Variants in MDGA2 observed in about 807,000 individuals in gnomAD.
The protein encoded by MDGA2 is MAM domain containing glycosylphosphatidylinositol anchor 2, also known as MAM domain-containing glycosylphosphatidylinositol anchor protein 2.
A neutral mutation model predicts 117.8 loss-of-function variants in MDGA2; 40 were observed. The observed-to-expected ratio is 0.34, with a 90% confidence interval of 0.26 to 0.44. The LOEUF (loss-of-function observed/expected upper bound fraction) is 0.44, where lower values mean the gene tolerates loss of function less well. MDGA2 is among the 20% of genes least tolerant of loss of function. The probability of loss-of-function intolerance (pLI) is 1.00; values close to 1 mark genes in which losing one functional copy is unlikely to be tolerated. For missense variants in MDGA2, 1,123 were observed against 1,250.6 expected (o/e 0.90, Z 1.54); for synonymous variants, 452 against 439.0 (o/e 1.03, Z -0.37).
At chr14:47,086,558 C>A (rs1890908277) in intron 6 of MDGA2, among the ~76,000 whole-genome samples, 1 of 151,532 alleles carries the variant, frequency 6.6e-6, no homozygotes, top group South Asian at 2.1e-4. Context: ...TAGAATGTAC[C>A]CATTACTTAT....
Position 47,512,248 on chromosome 14 carries a change from C to A in MDGA2, c.280+162269G>T, listed in dbSNP as rs947022466. 2.6e-5 allele frequency among the ~76,000 whole-genome samples: 4 copies of A among 152,244 alleles called. 1 individual carries two copies. Among genetic ancestry groups the A allele is most frequent in the African/African-American group, 9.6e-5 (4 of 41,564 alleles). Reference sequence around the variant, plus strand: ...GTTTATATCTGATTTTGATGTCCAACAATGAATTTAAATTAAATAAGTGTC... The same window carrying A: ...GTTTATATCTGATTTTGATGTCCAAAAATGAATTTAAATTAAATAAGTGTC... On this transcript the variant is annotated intron_variant, in intron 1 of 16. Transcript: ENST00000399232.
intron 2 of MDGA2, among the ~76,000 whole-genome samples, chr14:47,278,632 T>C (rs1888380405): frequency 6.6e-6 from 1 of 152,190 alleles, no homozygotes; most frequent in African/African-American, 2.4e-5. Flanking sequence ...TATTTTTCTT[T>C]TTCTAGTCCT....
At chr14:46,940,305 T>G (rs1440385299) in intron 9 of MDGA2, among the ~76,000 whole-genome samples, 1 of 152,108 alleles carries the variant, frequency 6.6e-6, no homozygotes, top group Non-Finnish European at 1.5e-5. Flanking sequence ...ATGTATTTAG[T>G]CTTGACTAAA....
Position 47,482,565 on chromosome 14 carries a change from C to A in MDGA2, c.281-181015G>T, listed in dbSNP as rs1007514234. Among the ~76,000 whole-genome samples, 15 of 152,096 alleles carry A rather than the reference C, an allele frequency of 9.9e-5. No homozygotes were observed. The East Asian group carries it at 2.1e-3, about 22-fold the overall frequency. On this transcript the variant is annotated intron_variant, in intron 1 of 16. Coordinates refer to ENST00000399232, the MANE Select transcript of MDGA2 (RefSeq NM_001113498.3). Reference sequence around the variant, plus strand: ...ATGCAGATGTATCTAATTTTAAAATCTAATGTTTATTTTACAAAATTGAAT... The same window carrying A: ...ATGCAGATGTATCTAATTTTAAAATATAATGTTTATTTTACAAAATTGAAT...
At chr14:47,038,671 C>T (rs908546020) in intron 7 of MDGA2, among the ~76,000 whole-genome samples, 2 of 151,982 alleles carry the variant, frequency 1.3e-5, no homozygotes, top group African/African-American at 4.8e-5. Context: ...GATGCGGTGG[C>T]TCATGCCTAT....
intron 1 of MDGA2, among the ~76,000 whole-genome samples, chr14:47,321,868 A>C (rs979338491): frequency 2.0e-5 from 3 of 152,202 alleles, no homozygotes; most frequent in Admixed American, 2.0e-4. Context: ...TAACATTCAA[A>C]AAAAGAATGT....
chr14:47,309,864 A>C (rs898277777), intron 1 of MDGA2, among the ~76,000 whole-genome samples: 1 of 152,178 alleles, frequency 6.6e-6, no homozygotes, highest in Admixed American at 6.6e-5. Context: ...ATTTAAACTT[A>C]CATTAAATGT....
chr14:47,200,509 T>C (rs1355174656), intron 3 of MDGA2: 3 of 600,936 alleles, frequency 5.0e-6, no homozygotes, highest in Non-Finnish European at 8.0e-6. Context: ...TTTTCTATTT[T>C]TCTTTTCTTT....
At chr14:47,114,840 C>A (rs1361423523) in intron 5 of MDGA2, among the ~76,000 whole-genome samples, 1 of 151,856 alleles carries the variant, frequency 6.6e-6, no homozygotes, top group Non-Finnish European at 1.5e-5. Context: ...CTAGGCAATA[C>A]CTTTTGGAAC....
chr14:47,214,850 T>C (rs1026008210), intron 3 of MDGA2, among the ~76,000 whole-genome samples: 1 of 152,140 alleles, frequency 6.6e-6, no homozygotes, highest in African/African-American at 2.4e-5. Context: ...CTAAGACTAC[T>C]GATGCATTAC....
chr14:46,920,967 T>A lies in MDGA2; in HGVS notation c.2090-807A>T, dbSNP rs534209156. On this transcript the variant is annotated intron_variant, in intron 9 of 16. Coordinates refer to ENST00000399232, the MANE Select transcript of MDGA2 (RefSeq NM_001113498.3). ...AAATGTGAATTACGTATAGTGTATA[T>A]ACCACATACAAACCATCTCAGTTTT... Among the ~76,000 whole-genome samples, 43 of 152,324 alleles carry A rather than the reference T, an allele frequency of 2.8e-4. No individual in the cohort carries two copies. The East Asian group carries it at 7.7e-3, about 27-fold the overall frequency.
chr14:47,134,596 A>T (rs1411429919), intron 4 of MDGA2, among the ~76,000 whole-genome samples: 3 of 151,998 alleles, frequency 2.0e-5, no homozygotes, highest in Admixed American at 2.0e-4. Context: ...AACTTGAGCC[A>T]TATCAAAAGA....
chr14:46,932,512 T>C (rs1431378228), intron 9 of MDGA2, among the ~76,000 whole-genome samples: 2 of 152,132 alleles, frequency 1.3e-5, no homozygotes, highest in Non-Finnish European at 2.9e-5. Flanking sequence ...AAATATAGGA[T>C]GAACATAAAT....
At chr14:47,626,813 T>C (rs1238398415) in intron 1 of MDGA2, among the ~76,000 whole-genome samples, 5 of 152,214 alleles carry the variant, frequency 3.3e-5, no homozygotes. Flanking sequence ...TGTGGGCTCC[T>C]GCGCCGCCAG....
intron 1 of MDGA2, among the ~76,000 whole-genome samples, chr14:47,400,601 G>A (rs1045638054): frequency 6.6e-6 from 1 of 150,478 alleles, no homozygotes; most frequent in African/African-American, 2.4e-5. Context: ...CAGGAGAATC[G>A]CTTGAACCTG....
intron 2 of MDGA2, among the ~76,000 whole-genome samples, chr14:47,268,747 A>C (rs549318398): frequency 8.5e-5 from 13 of 152,308 alleles, no homozygotes; most frequent in Admixed American, 4.6e-4. Flanking sequence ...TGATCTGATG[A>C]TACTATGAAA....
At chr14:47,671,654 A>T (rs1396705275) in intron 1 of MDGA2, among the ~76,000 whole-genome samples, 1 of 152,196 alleles carries the variant, frequency 6.6e-6, no homozygotes, top group Non-Finnish European at 1.5e-5. Flanking sequence ...ATATAAGCAA[A>T]TAAAGGAATA....
intron 2 of MDGA2, among the ~76,000 whole-genome samples, chr14:47,224,314 G>GATATAGATATAGATATAGAT (rs1483909434): frequency 2.0e-5 from 3 of 151,976 alleles, no homozygotes. Flanking sequence ...TATAGATATA[G>GATATAGATATAGATATAGAT]ATATAGATAT....
chr14:47,225,686 T>C (rs1264816271), intron 2 of MDGA2, among the ~76,000 whole-genome samples: 2 of 151,634 alleles, frequency 1.3e-5, no homozygotes, highest in South Asian at 2.1e-4. Flanking sequence ...TGGGGAGGGA[T>C]AGCATTAGGA....
Sources: gnomAD v4.1 joint callset for allele counts (sites outside exome capture counted in the v4.1 genomes callset) on GRCh38, gnomAD v4.1.1 for gene constraint, MANE v1.5 for transcripts, NCBI Gene and HGNC (gene_info 2026-07-23, HGNC 2026-07-21) for gene names.